Variants in STXBP5 observed in about 807,000 individuals in gnomAD.
STXBP5 encodes the protein syntaxin-binding protein 5.
A neutral mutation model predicts 152.4 loss-of-function variants in STXBP5; 50 were observed. That is an observed-to-expected ratio of 0.33 (90% CI 0.26 to 0.42). STXBP5 has a LOEUF of 0.42. STXBP5 is among the 10% of genes least tolerant of loss of function. The pLI is 1.00. For missense variants in STXBP5, 1,167 were observed against 1,388.6 expected, an observed-to-expected ratio of 0.84 and a Z score of 2.54; for synonymous variants, 492 against 494.7, an observed-to-expected ratio of 0.99 and a Z score of 0.07.
At chr6:147,348,874 G>A (rs1784457537) in intron 21 of STXBP5, among the ~76,000 whole-genome samples, 3 of 152,110 alleles carry the variant, frequency 2.0e-5, no homozygotes, top group Admixed American at 2.0e-4. Context: ...GTGAAAAGCA[G>A]CAGGATACTG....
intron 18 of STXBP5, among the ~76,000 whole-genome samples, chr6:147,330,502 C>T (rs1432481398): frequency 3.9e-5 from 6 of 152,004 alleles, no homozygotes; most frequent in Admixed American, 6.6e-5. Flanking sequence ...TAAAAGGGAT[C>T]CCCAGTTGGT....
At chr6:147,311,852 A>G (rs1343512740) in intron 11 of STXBP5, among the ~76,000 whole-genome samples, 1 of 152,164 alleles carries the variant, frequency 6.6e-6, no homozygotes, top group Non-Finnish European at 1.5e-5. Context: ...AAAATAAGCT[A>G]TTTTAGGCTT....
intron 7 of STXBP5, among the ~76,000 whole-genome samples, chr6:147,273,012 A>C (rs1401550001): frequency 2.0e-5 from 3 of 152,090 alleles, no homozygotes; most frequent in African/African-American, 7.2e-5. Context: ...ATAAAATTTT[A>C]TCTCTTTAAT....
At chr6:147,370,318 G>A (rs1785481864) in intron 25 of STXBP5, among the ~76,000 whole-genome samples, 1 of 152,028 alleles carries the variant, frequency 6.6e-6, no homozygotes, top group Admixed American at 6.6e-5. Flanking sequence ...AGTGTTGATT[G>A]TGGTGATGGT....
chr6:147,237,206 A>G (rs1040634294), intron 3 of STXBP5, among the ~76,000 whole-genome samples: 1 of 152,204 alleles, frequency 6.6e-6, no homozygotes, highest in Non-Finnish European at 1.5e-5. Context: ...ATTTTTATTC[A>G]TATTAAGTAT....
intron 21 of STXBP5, among the ~76,000 whole-genome samples, chr6:147,349,492 A>C (rs1784493563): frequency 6.6e-6 from 1 of 152,268 alleles, no homozygotes; most frequent in African/African-American, 2.4e-5. Flanking sequence ...TAAGTTTTAC[A>C]TCAAAAGAAA....
At chr6:147,347,102 A>G (rs1035451541) in intron 21 of STXBP5, among the ~76,000 whole-genome samples, 3 of 152,210 alleles carry the variant, frequency 2.0e-5, no homozygotes, top group African/African-American at 7.2e-5. Flanking sequence ...GTCTCTGGAC[A>G]TTCAAACTAG....
At position 147,324,002 on chromosome 6, in the gene STXBP5, T is replaced by C. The variant is rs571623622; in HGVS notation, c.1803-957T>C. 7.2e-5 allele frequency among the ~76,000 whole-genome samples: 11 copies of C among 152,272 alleles called. 1 individual carries two copies. In the South Asian group the frequency reaches 2.3e-3, roughly 32 times the overall value. On this transcript the variant is annotated intron_variant, in intron 16 of 27. Coordinates refer to ENST00000321680, the MANE Select transcript of STXBP5 (RefSeq NM_001127715.4). ...CCACTGTGGCCACACTTAACACTTA[T>C]CAATCCTTGAACATGGGTTTTCTGT...
intron 25 of STXBP5, among the ~76,000 whole-genome samples, chr6:147,373,411 A>AT (rs1455157107): frequency 6.6e-6 from 1 of 151,636 alleles, no homozygotes; most frequent in Non-Finnish European, 1.5e-5. Flanking sequence ...GTAATTATTA[A>AT]TCCTATTATC....
intron 6 of STXBP5, among the ~76,000 whole-genome samples, chr6:147,266,742 A>G (rs1333570688): frequency 1.3e-5 from 2 of 152,114 alleles, no homozygotes; most frequent in Non-Finnish European, 2.9e-5. Context: ...TAATCAATAT[A>G]TAGTTGGAAT....
chr6:147,224,898 T>C (rs1777634886), intron 2 of STXBP5, among the ~76,000 whole-genome samples: 1 of 152,198 alleles, frequency 6.6e-6, no homozygotes. Flanking sequence ...AACTTTGTTA[T>C]TGAAAAATAA....
At chr6:147,229,748 A>G (rs2115139640) in intron 2 of STXBP5, among the ~76,000 whole-genome samples, 1 of 151,546 alleles carries the variant, frequency 6.6e-6, no homozygotes, top group African/African-American at 2.4e-5. Flanking sequence ...TATTCATTCC[A>G]GTTTTTTTTA....
At chr6:147,233,638 G>T (rs1180052805) in intron 2 of STXBP5, among the ~76,000 whole-genome samples, 1 of 151,596 alleles carries the variant, frequency 6.6e-6, no homozygotes, top group Non-Finnish European at 1.5e-5. Flanking sequence ...TAGCTGAAGC[G>T]ATTAGAATTA....
At chr6:147,329,272 T>C (rs141785076) in intron 18 of STXBP5, among the ~76,000 whole-genome samples, 5,216 of 148,838 alleles carry the variant, frequency 0.035, 142 homozygotes, top group Admixed American at 0.053. Context: ...TTATTTGCTT[T>C]ATTTTGTTAT....
At chr6:147,294,349 A>G (rs1424069775) in intron 9 of STXBP5, among the ~76,000 whole-genome samples, 2 of 151,962 alleles carry the variant, frequency 1.3e-5, no homozygotes, top group Non-Finnish European at 2.9e-5. Context: ...TTTATCTGTA[A>G]GATGGGAATA....
chr6:147,315,130 A>G (rs1173742351), intron 14 of STXBP5, among the ~76,000 whole-genome samples: 1 of 152,136 alleles, frequency 6.6e-6, no homozygotes, highest in Non-Finnish European at 1.5e-5. Flanking sequence ...CTCATGTAGG[A>G]ATGTTTAATT....
At position 147,359,117 on chromosome 6, in the gene STXBP5, G is replaced by C; in HGVS notation, c.2339G>C (p.Ser780Thr). The part of the protein sequence containing the change: ...VKDNSFSRSR[S>T]SSVTSIDKES... ...GATAACTCCTTTAGCCGATCACGGA[G>C]TTCAAGTGTAACAAGCATTGACAAA... Residue 780 changes from serine (S) to threonine (T), a missense_variant, in exon 23 of 28, where the codon AGT becomes ACT. This residue lies in a region of STXBP5 where 833 missense variants were observed against 986.3 expected (regional missense o/e 0.84). Coordinates refer to ENST00000321680, the MANE Select transcript of STXBP5 (RefSeq NM_001127715.4). 1 of 1,613,952 alleles carries C rather than the reference G, an allele frequency of 6.2e-7. No individual in the cohort carries two copies. The highest frequency in any genetic ancestry group is 1.3e-5 in the African/African-American group (1 of 75,032).
chr6:147,230,815 G>A (rs1023056853), intron 2 of STXBP5, among the ~76,000 whole-genome samples: 3 of 151,868 alleles, frequency 2.0e-5, no homozygotes, highest in South Asian at 2.1e-4. Flanking sequence ...TAAACTTTGC[G>A]CCTGAGTTTC....
chr6:147,359,144 A>ACAAACAAGC lies in STXBP5; in HGVS notation c.2366_2367insCAAACAAGC (p.Glu789delinsAspLysGlnAla). The ACAAACAAGC allele has an allele frequency of 6.2e-7, 1 of 1,614,040 alleles. No individual in the cohort carries two copies. The highest frequency in any genetic ancestry group is 8.5e-7 in the Non-Finnish European group (1 of 1,179,930). Reference sequence around the variant, plus strand: ...TCAAGTGTAACAAGCATTGACAAAGAATCCCGAGAAGCGATCTCCGCTCTT... The same window carrying ACAAACAAGC: ...TCAAGTGTAACAAGCATTGACAAAGACAAACAAGCATCCCGAGAAGCGATCTCCGCTCTT... On this transcript the variant is annotated protein_altering_variant, in exon 23 of 28. Coordinates refer to ENST00000321680, the MANE Select transcript of STXBP5 (RefSeq NM_001127715.4).
Sources: allele counts gnomAD v4.1 joint callset (sites outside exome capture counted in the v4.1 genomes callset), GRCh38; gene constraint gnomAD v4.1.1; regional missense constraint gnomAD v4.1.1; transcripts MANE v1.5; gene names NCBI Gene and HGNC (gene_info 2026-07-23, HGNC 2026-07-21).